NLRC5: variants seen among roughly 807,000 people sequenced by gnomAD.
NLRC5 encodes the protein NLR family CARD domain containing 5, also known as protein NLRC5.
A neutral mutation model predicts 206.9 loss-of-function variants in NLRC5; 114 were observed. That is an observed-to-expected ratio of 0.55 (90% confidence interval 0.47 to 0.64). The LOEUF (loss-of-function observed/expected upper bound fraction) is 0.64. Ranked by LOEUF, NLRC5 falls within the 30% of genes least tolerant of loss-of-function variation. The pLI is 0.00. For missense variants in NLRC5, 2,008 were observed against 2,305.5 expected, an observed-to-expected ratio of 0.87 and a Z score of 2.64; for synonymous variants, 952 against 962.8, an observed-to-expected ratio of 0.99 and a Z score of 0.21.
rs138261804 is a variant in NLRC5, at chr16:56,989,988, A to T, written c.-128+371A>T. Reference sequence around the variant, plus strand: ...TCTTTTACTTTGCAACTTTTCATTGATTTTAAAACAATTACGGAAGTTACA... The same window carrying T: ...TCTTTTACTTTGCAACTTTTCATTGTTTTTAAAACAATTACGGAAGTTACA... On this transcript the variant is annotated intron_variant, in intron 1 of 48. Coordinates refer to ENST00000688547, the MANE Select transcript of NLRC5 (RefSeq NM_001384950.1). Among the ~76,000 whole-genome samples, 464 of 152,350 alleles carry T rather than the reference A, an allele frequency of 3.0e-3. 5 individuals are homozygous for T. The highest frequency in any genetic ancestry group is 0.011 in the African/African-American group (451 of 41,578).
At chr16:57,076,956 A>G (rs1488835839) in intron 40 of NLRC5, 54 bp downstream of exon 40, 3 of 1,518,234 alleles carry the variant, frequency 2.0e-6, no homozygotes, top group Non-Finnish European at 2.7e-6. Flanking sequence ...GGGAAAGATG[A>G]CAAGGGCAAG....
chr16:57,001,102 C>T (rs896200916), intron 1 of NLRC5, among the ~76,000 whole-genome samples: 10 of 152,168 alleles, frequency 6.6e-5, no homozygotes, highest in Non-Finnish European at 8.8e-5. Flanking sequence ...AAGGCAGAGG[C>T]GCTGGGTTCT....
chr16:57,054,926 G>A lies in NLRC5; in HGVS notation c.3596+86G>A. 5 of 1,581,422 alleles carry A rather than the reference G, an allele frequency of 3.2e-6. No homozygotes were observed. In the South Asian group the frequency reaches 3.3e-5, roughly 10 times the overall value. ...GGTATGAGGGGGTAGGATGAAGACA[G>A]TAGGACCCAACTAGAGGCTGGGCTT... On this transcript the variant is annotated intron_variant, in intron 25 of 48. Coordinates refer to ENST00000688547, the MANE Select transcript of NLRC5 (RefSeq NM_001384950.1).
At position 57,026,848 on chromosome 16, in the gene NLRC5, C is replaced by A. The variant is rs1241802402; in HGVS notation, c.1905C>A (p.Leu635=). ...PELASLTAQS[L]PYQLPFHNFP... Reference sequence around the variant, plus strand: ...TGGCCAGTCTCACCGCACAAAGCCTCCCCTATCAACTGCCCTTCCACAATT... The same window carrying A: ...TGGCCAGTCTCACCGCACAAAGCCTACCCTATCAACTGCCCTTCCACAATT... Residue 635 remains leucine (L), a synonymous_variant, in exon 6 of 49, where the codon CTC becomes CTA. Transcript: ENST00000688547. 6.2e-7 allele frequency: 1 copy of A among 1,614,236 alleles called. No individual in the cohort carries two copies. Among genetic ancestry groups the A allele is most frequent in the East Asian group, 2.2e-5 (1 of 44,890 alleles).
chr16:57,039,144 GGTTAC>G (rs1167349428), intron 15 of NLRC5, among the ~76,000 whole-genome samples: 1 of 152,148 alleles, frequency 6.6e-6, no homozygotes, highest in Non-Finnish European at 1.5e-5. Flanking sequence ...TCACTCCAAA[GGTTAC>G]CAGGGGTAAT....
rs1386585777 is a variant in NLRC5 at position 57,026,878 on chromosome 16, A to G, written c.1935A>G (p.Pro645=). ...ATCAACTGCCCTTCCACAATTTCCC[A>G]CTGACCTGCACCGACCTGGCCACCC... ...LPYQLPFHNF[P]LTCTDLATLT... is the part of the protein sequence containing the mutation. Residue 645 remains proline (P), a synonymous_variant, in exon 6 of 49, where the codon CCA becomes CCG. Transcript: ENST00000688547. 6.8e-6 allele frequency: 11 copies of G among 1,613,980 alleles called. No individual in the cohort carries two copies. Among genetic ancestry groups the G allele is most frequent in the Non-Finnish European group, 9.3e-6 (11 of 1,179,958 alleles).
chr16:57,001,255 T>C (rs1326196451), intron 1 of NLRC5, among the ~76,000 whole-genome samples: 1 of 152,216 alleles, frequency 6.6e-6, no homozygotes, highest in Non-Finnish European at 1.5e-5. Context: ...TTTCTGTTTC[T>C]TTGAGGTATT....
chr16:57,026,687 C>T lies in NLRC5; in HGVS notation c.1744C>T (p.Gln582Ter). The change falls in exon 6 of 49, where the codon CAG (glutamine) becomes TAG (stop). Residue 582 changes from glutamine to a stop codon, truncating the protein, a stop_gained. Transcript: ENST00000688547. LOFTEE classifies it high-confidence loss of function. ...TCRPFLSHLA[Q>*]GNEDCVGAKQ... ...CCGCCCCTTCCTTAGCCACCTGGCGCAGGGCAATGAGGACTGTGTGGGTGC... is the reference window on the plus strand; with the variant it reads ...CCGCCCCTTCCTTAGCCACCTGGCGTAGGGCAATGAGGACTGTGTGGGTGC... 6.2e-7 allele frequency: 1 copy of T among 1,614,080 alleles called. No homozygotes were observed. The highest frequency in any genetic ancestry group is 8.5e-7 in the Non-Finnish European group (1 of 1,179,952).
At chr16:57,065,674 A>C (rs2067002352) in intron 33 of NLRC5, among the ~76,000 whole-genome samples, 1 of 152,212 alleles carries the variant, frequency 6.6e-6, no homozygotes, top group Admixed American at 6.5e-5. Context: ...AGGTTTTAGC[A>C]TCCCACTCAG....
intron 5 of NLRC5, among the ~76,000 whole-genome samples, 192 bp downstream of exon 5, chr16:57,024,045 G>T (rs2060984770): frequency 1.3e-5 from 2 of 152,232 alleles, no homozygotes; most frequent in African/African-American, 4.8e-5. Flanking sequence ...CAGCGAAGGG[G>T]CTCCCCACCC....
Position 57,013,596 on chromosome 16 carries a change from G to C in NLRC5, c.-127-3478G>C, listed in dbSNP as rs113309234. On this transcript the variant is annotated intron_variant, in intron 1 of 48. Coordinates refer to ENST00000688547, the MANE Select transcript of NLRC5 (RefSeq NM_001384950.1). ...AGTACCCAAAGTTTCTCAACAAGTT[G>C]ATTTTCAAGCAAGGTCATTAACTGG... The C allele has an allele frequency of 1.3e-3, 1,453 of 1,122,936 alleles. 14 individuals are homozygous for C. In the African/African-American group the frequency reaches 0.019, roughly 15 times the overall value. The allele number at this position is 1,122,936 out of a possible 1,614,324, so 69.6% of individuals were successfully genotyped here. A position where few individuals can be genotyped will look rare whatever the true frequency, so the allele number is the denominator to read the frequency against.
At chr16:57,058,510 C>G in intron 28 of NLRC5, 1 of 338,692 alleles carries the variant, frequency 3.0e-6, no homozygotes, top group Non-Finnish European at 5.5e-6. Flanking sequence ...TGAAATTCTT[C>G]TGACCCAATC....
intron 2 of NLRC5, among the ~76,000 whole-genome samples, chr16:57,019,965 A>C (rs1489691174): frequency 1.3e-5 from 2 of 152,074 alleles, no homozygotes; most frequent in Non-Finnish European, 2.9e-5. Flanking sequence ...GATGAACAAG[A>C]CCATTCCAGA....
At chr16:57,057,740 G>A (rs147815452) in intron 27 of NLRC5, among the ~76,000 whole-genome samples, 166 of 152,326 alleles carry the variant, frequency 1.1e-3, no homozygotes, top group African/African-American at 3.8e-3. Context: ...GTGGTGCTGG[G>A]GAGGGGATAG....
Position 57,059,552 on chromosome 16 carries a change from G to A in NLRC5, c.3986+20G>A. ...ACTCAGGTAATCCCTGCAGGGTGAT[G>A]GGACAGGGGACAGAGAGGGGAGAGG... On this transcript the variant is annotated intron_variant, in intron 30 of 48. Coordinates refer to ENST00000688547, the MANE Select transcript of NLRC5 (RefSeq NM_001384950.1). 1.3e-6 allele frequency: 2 copies of A among 1,592,526 alleles called. No homozygotes were observed. The highest frequency in any genetic ancestry group is 1.7e-5 in the Admixed American group (1 of 57,688).
chr16:57,048,362 A>G (rs1280496757), intron 23 of NLRC5: 1 of 152,206 alleles, frequency 6.6e-6, no homozygotes, highest in African/African-American at 2.4e-5. Context: ...GTGTTTTCAT[A>G]GCATCTGTGT....
At chr16:57,075,845 A>C (rs2068327797) in intron 39 of NLRC5, 1 of 152,534 alleles carries the variant, frequency 6.6e-6, no homozygotes, top group Non-Finnish European at 1.5e-5. Context: ...AGGTTATATC[A>C]TATTGGACCA....
chr16:57,002,340 G>A (rs1174400883), intron 1 of NLRC5, among the ~76,000 whole-genome samples: 3 of 151,984 alleles, frequency 2.0e-5, no homozygotes, highest in Non-Finnish European at 2.9e-5. Context: ...TAGAGGAGGG[G>A]TTTTGCCATG....
chr16:57,034,463 C>T, intron 13 of NLRC5: 1 of 554,600 alleles, frequency 1.8e-6, no homozygotes, highest in South Asian at 2.3e-5. Flanking sequence ...CTCGCATTCA[C>T]TCCTCACATC....
Sources: allele counts gnomAD v4.1 joint callset (sites outside exome capture counted in the v4.1 genomes callset), GRCh38; gene constraint gnomAD v4.1.1; transcripts MANE v1.5; gene names NCBI Gene and HGNC (gene_info 2026-07-23, HGNC 2026-07-21).